The following CLNK variants were observed in gnomAD, a reference collection of about 807,000 sequenced individuals.
The protein encoded by CLNK is cytokine dependent hematopoietic cell linker.
In CLNK, 74 loss-of-function variants were observed where a neutral mutation model predicts 68.6. That is an observed-to-expected ratio of 1.08 (90% CI 0.89 to 1.31). The LOEUF (loss-of-function observed/expected upper bound fraction) is 1.31, where lower values mean the gene tolerates loss of function less well. Ranked by LOEUF, CLNK falls within the 50% of genes most tolerant of loss-of-function variation. The pLI is 0.00. For missense variants in CLNK, 553 were observed against 515.3 expected (o/e 1.07, Z -0.71); for synonymous variants, 198 against 172.2 (o/e 1.15, Z -1.17).
chr4:10,633,857 G>T (rs1015480129), intron 2 of CLNK, among the ~76,000 whole-genome samples: 1 of 152,214 alleles, frequency 6.6e-6, no homozygotes, highest in Non-Finnish European at 1.5e-5. Flanking sequence ...GCCCTTTGTG[G>T]TTGGTTGTAC....
intron 2 of CLNK, among the ~76,000 whole-genome samples, chr4:10,660,264 C>T (rs1724144557): frequency 6.6e-6 from 1 of 152,098 alleles, no homozygotes; most frequent in Non-Finnish European, 1.5e-5. Context: ...GTGTTGTTTT[C>T]CTGCAGTGGA....
chr4:10,673,280 C>T (rs1724730320), intron 1 of CLNK, among the ~76,000 whole-genome samples: 1 of 137,034 alleles, frequency 7.3e-6, no homozygotes, highest in Non-Finnish European at 1.6e-5. Flanking sequence ...GAAAAATATG[C>T]CCCAGAGGGA....
the CLNK span, among the ~76,000 whole-genome samples, chr4:10,715,366 G>A: frequency 6.6e-6 from 1 of 152,106 alleles, no homozygotes; most frequent in Admixed American, 6.5e-5. Flanking sequence ...ATAATAGAAC[G>A]GATAAGGGCA....
the CLNK span, among the ~76,000 whole-genome samples, chr4:10,694,833 A>T: frequency 6.6e-6 from 1 of 152,156 alleles, no homozygotes; most frequent in East Asian, 1.9e-4. Flanking sequence ...GGCTTATTTC[A>T]CTTAGCCTTA....
At chr4:10,597,942 T>A (rs1721446019) in intron 3 of CLNK, 36 bp downstream of exon 3, 1 of 1,395,366 alleles carries the variant, frequency 7.2e-7, no homozygotes, top group Non-Finnish European at 9.9e-7. Context: ...ATTAAAATTT[T>A]CACTCCTCTA....
At chr4:10,529,191 C>T (rs147807646) in intron 12 of CLNK, among the ~76,000 whole-genome samples, 3 of 152,288 alleles carry the variant, frequency 2.0e-5, no homozygotes, top group African/African-American at 4.8e-5. Context: ...TGATGGGGTC[C>T]ATGAACCTTC....
chr4:10,587,445 G>C (rs1001108687), intron 3 of CLNK, among the ~76,000 whole-genome samples: 1 of 152,200 alleles, frequency 6.6e-6, no homozygotes, highest in African/African-American at 2.4e-5. Flanking sequence ...CCAGGCCTCT[G>C]CATTACACCT....
At chr4:10,699,512 A>ATATATTTTT in the CLNK span, among the ~76,000 whole-genome samples, 26 of 32,730 alleles carry the variant, frequency 7.9e-4, no homozygotes, top group African/African-American at 1.2e-3. Context: ...ATATATATAT[A>ATATATTTTT]TTTTTTTTTT....
intron 2 of CLNK, among the ~76,000 whole-genome samples, chr4:10,606,423 C>T (rs995464469): frequency 6.6e-6 from 1 of 151,744 alleles, no homozygotes; most frequent in African/African-American, 2.4e-5. Context: ...GGTTGTTTTA[C>T]AGTTAACTTT....
chr4:10,494,616 C>T (rs1047418802), intron 18 of CLNK, among the ~76,000 whole-genome samples: 3 of 152,186 alleles, frequency 2.0e-5, no homozygotes, highest in East Asian at 3.9e-4. Context: ...TGCCATGGCG[C>T]GCAGCTAACT....
chr4:10,560,336 C>T (rs1039471751), intron 7 of CLNK, among the ~76,000 whole-genome samples: 3 of 152,192 alleles, frequency 2.0e-5, no homozygotes, highest in African/African-American at 7.2e-5. Flanking sequence ...TGGTTTAGGG[C>T]AAGACAGTTG....
At chr4:10,580,946 C>G (rs1720757360) in intron 4 of CLNK, among the ~76,000 whole-genome samples, 1 of 152,240 alleles carries the variant, frequency 6.6e-6, no homozygotes, top group African/African-American at 2.4e-5. Flanking sequence ...ACTCACCACT[C>G]ATTCGTTAAC....
chr4:10,570,176 G>A lies in CLNK; in HGVS notation c.150+1565C>T, dbSNP rs16869970. Among the ~76,000 whole-genome samples the A allele has an allele frequency of 6.1e-3, 935 of 152,318 alleles. 12 individuals carry two copies. Among genetic ancestry groups the A allele is most frequent in the African/African-American group, 0.022 (906 of 41,572 alleles). ...TACATACTGTTACGGCCATCACCAAGGCTCTCTAGGGCATAGCCTCTTGGG... is the reference window on the plus strand; with the variant it reads ...TACATACTGTTACGGCCATCACCAAAGCTCTCTAGGGCATAGCCTCTTGGG... On this transcript the variant is annotated intron_variant, in intron 5 of 18. Transcript: ENST00000226951.
At chr4:10,655,334 CAG>C (rs148877353) in intron 2 of CLNK, among the ~76,000 whole-genome samples, 2,426 of 135,358 alleles carry the variant, frequency 0.018, 46 homozygotes, top group African/African-American at 0.044. Context: ...CCCCCAAAGA[CAG>C]AGAGAGAGAG....
At chr4:10,544,853 A>T (rs946734844) in intron 8 of CLNK, among the ~76,000 whole-genome samples, 9 of 152,192 alleles carry the variant, frequency 5.9e-5, no homozygotes, top group African/African-American at 1.9e-4. Context: ...GCAGGACAGC[A>T]CATGGCGAGG....
intron 1 of CLNK, among the ~76,000 whole-genome samples, chr4:10,679,701 G>A (rs1428840499): frequency 6.6e-6 from 1 of 152,122 alleles, no homozygotes; most frequent in African/African-American, 2.4e-5. Context: ...CAAAAAGTGG[G>A]CAAAGGATAT....
At chr4:10,583,225 C>G (rs1720847221) in intron 4 of CLNK, among the ~76,000 whole-genome samples, 1 of 152,098 alleles carries the variant, frequency 6.6e-6, no homozygotes, top group African/African-American at 2.4e-5. Flanking sequence ...TATGCCTAGG[C>G]TGATTCATAA....
chr4:10,610,981 C>A (rs554076095), intron 2 of CLNK, among the ~76,000 whole-genome samples: 1 of 151,376 alleles, frequency 6.6e-6, no homozygotes, highest in Non-Finnish European at 1.5e-5. Context: ...GTCAGGAGTT[C>A]GAGACCAGCC....
intron 2 of CLNK, among the ~76,000 whole-genome samples, chr4:10,614,676 T>C (rs1001322752): frequency 6.6e-6 from 1 of 152,232 alleles, no homozygotes; most frequent in Non-Finnish European, 1.5e-5. Flanking sequence ...TGTGTGCACA[T>C]TCAAGTTGGA....
Sources: allele counts gnomAD v4.1 joint callset (sites outside exome capture counted in the v4.1 genomes callset), GRCh38; gene constraint gnomAD v4.1.1; transcripts MANE v1.5; gene names NCBI Gene and HGNC (gene_info 2026-07-23, HGNC 2026-07-21).